The following RBMS1 variants were observed in gnomAD, a reference collection of about 807,000 sequenced individuals.
The protein encoded by RBMS1 is RNA-binding motif, single-stranded-interacting protein 1.
In RBMS1, 17 loss-of-function variants were observed where a neutral mutation model predicts 62.3. The ratio of observed to expected loss-of-function variants is 0.27; its 90% confidence interval spans 0.19 to 0.41. The LOEUF is 0.41. Ranked by LOEUF, RBMS1 falls within the 10% of genes least tolerant of loss-of-function variation. The pLI, the probability that RBMS1 is intolerant of heterozygous loss-of-function variation, is 1.00. For missense variants in RBMS1, 334 were observed against 504.5 expected, an observed-to-expected ratio of 0.66 and a Z score of 3.24; for synonymous variants, 172 against 170.0, an observed-to-expected ratio of 1.01 and a Z score of -0.09.
intron 1 of RBMS1, among the ~76,000 whole-genome samples, chr2:160,370,882 G>A (rs1693688842): frequency 6.8e-6 from 1 of 147,276 alleles, no homozygotes; most frequent in African/African-American, 2.6e-5. Context: ...AAAGTAAAAG[G>A]TGCCTTTAAG....
chr2:160,352,438 G>T (rs574359857), intron 2 of RBMS1, among the ~76,000 whole-genome samples: 1 of 152,120 alleles, frequency 6.6e-6, no homozygotes, highest in Non-Finnish European at 1.5e-5. Context: ...TTTTCCATAT[G>T]AATATTTTGT....
At chr2:160,373,261 C>G (rs1693827507) in intron 1 of RBMS1, among the ~76,000 whole-genome samples, 1 of 152,174 alleles carries the variant, frequency 6.6e-6, no homozygotes, top group South Asian at 2.1e-4. Context: ...CAAAGTTGAT[C>G]CTTGCATGTA....
At chr2:160,324,907 TACACACACACACACACAC>T (rs1183675474) in intron 2 of RBMS1, among the ~76,000 whole-genome samples, 2 of 106,778 alleles carry the variant, frequency 1.9e-5, no homozygotes, top group Admixed American at 9.1e-5. Context: ...TATATATATA[TACACACACACACACACAC>T]ACACACACAC....
chr2:160,466,088 T>A (rs1454176517), intron 1 of RBMS1, among the ~76,000 whole-genome samples: 1 of 152,214 alleles, frequency 6.6e-6, no homozygotes, highest in African/African-American at 2.4e-5. Flanking sequence ...TGCAATTTAT[T>A]ACCATCTCAA....
chr2:160,318,183 G>C lies in RBMS1; in HGVS notation c.296C>G (p.Thr99Arg), dbSNP rs770306504. ...AGAAAACATACCTTTGCATTTGTTCGTTGTCTTATCCAAAATTGCCTTTGT... is the reference window on the plus strand; with the variant it reads ...AGAAAACATACCTTTGCATTTGTTCCTTGTCTTATCCAAAATTGCCTTTGT... ...VSTKAILDKTTNKCKGYGFVD... is the reference protein window; with the variant it reads ...VSTKAILDKTRNKCKGYGFVD... Residue 99 changes from threonine (T) to arginine (R), a missense_variant, in exon 3 of 14, where the codon ACG (threonine) becomes AGG (arginine). By Grantham distance (71) the Thr-to-Arg change is moderately conservative. Around this residue, in one of 3 missense-constraint regions of RBMS1, gnomAD observed 150 missense variants for 228.0 expected, o/e 0.66. Transcript: ENST00000348849. 1 of 1,533,160 alleles carries C rather than the reference G, an allele frequency of 6.5e-7. No individual in the cohort carries two copies. The highest frequency in any genetic ancestry group is 8.7e-7 in the Non-Finnish European group (1 of 1,148,518). 95.0% of individuals were successfully genotyped at this position (1,533,160 alleles called of 1,614,324 possible). A position where few individuals can be genotyped will look rare whatever the true frequency, so the allele number is the denominator to read the frequency against.
At chr2:160,421,642 T>G (rs959412737) in intron 1 of RBMS1, among the ~76,000 whole-genome samples, 6 of 152,248 alleles carry the variant, frequency 3.9e-5, no homozygotes, top group East Asian at 3.8e-4. Flanking sequence ...GCATGATTTA[T>G]AATCCTTTGG....
rs548902341 is a variant in RBMS1, at chr2:160,287,643, A to G, written c.641-559T>C. Among the ~76,000 whole-genome samples the G allele has an allele frequency of 2.0e-5, 3 of 152,362 alleles. No individual in the cohort carries two copies. In the South Asian group the frequency reaches 6.2e-4, roughly 32 times the overall value. Reference sequence around the variant, plus strand: ...AGGCTATACGCCCCATGGGGGCAGTAACATTGTCTGTTTTGTCTATCACTG... The same window carrying G: ...AGGCTATACGCCCCATGGGGGCAGTGACATTGTCTGTTTTGTCTATCACTG... On this transcript the variant is annotated intron_variant, in intron 6 of 13. Coordinates refer to ENST00000348849, the MANE Select transcript of RBMS1 (RefSeq NM_016836.4).
At chr2:160,311,220 C>CTATATATCTATA (rs1488544677) in intron 4 of RBMS1, among the ~76,000 whole-genome samples, 1,606 of 84,920 alleles carry the variant, frequency 0.019, 85 homozygotes, top group African/African-American at 0.057. Flanking sequence ...ATCTATCTAT[C>CTATATATCTATA]TATCTATCTA....
At chr2:160,460,848 C>G (rs1313545837) in intron 1 of RBMS1, among the ~76,000 whole-genome samples, 1 of 152,226 alleles carries the variant, frequency 6.6e-6, no homozygotes, top group Non-Finnish European at 1.5e-5. Context: ...TGCCCTCAAC[C>G]TCCCTTTTCC....
chr2:160,366,128 T>C (rs1693380178), intron 2 of RBMS1, among the ~76,000 whole-genome samples: 1 of 152,166 alleles, frequency 6.6e-6, no homozygotes, highest in Non-Finnish European at 1.5e-5. Context: ...CCACCTGCTG[T>C]CCCACCCCTC....
Position 160,493,542 on chromosome 2 carries a change from T to G in RBMS1, c.-179A>C, listed in dbSNP as rs577747369. The G allele has an allele frequency of 8.6e-4, 425 of 494,274 alleles. No individual in the cohort carries two copies. The highest frequency in any genetic ancestry group is 1.4e-3 in the East Asian group (40 of 27,626). 30.6% of individuals were successfully genotyped at this position (494,274 alleles called of 1,614,324 possible). A position where few individuals can be genotyped will look rare whatever the true frequency, so the allele number is the denominator to read the frequency against. On this transcript the variant is annotated 5_prime_UTR_variant, in exon 1 of 14. Transcript: ENST00000348849. ...AGACGTCCTCCTCCTCCTCCTCCTC[T>G]TCCTCCTCCTCCTCCTCCTCCTCCT... is the stretch of plus-strand genomic sequence containing the variant.
chr2:160,293,139 C>T (rs1463602113), intron 6 of RBMS1, among the ~76,000 whole-genome samples: 1 of 152,040 alleles, frequency 6.6e-6, no homozygotes, highest in Non-Finnish European at 1.5e-5. Flanking sequence ...CTAGAGCTAC[C>T]AAAATTTTCT....
At chr2:160,379,321 T>C (rs953810363) in intron 1 of RBMS1, among the ~76,000 whole-genome samples, 2 of 152,256 alleles carry the variant, frequency 1.3e-5, no homozygotes, top group Non-Finnish European at 1.5e-5. Flanking sequence ...TTCCCATTTT[T>C]ACAGGGACAA....
chr2:160,371,094 T>G (rs1693700923), intron 1 of RBMS1, among the ~76,000 whole-genome samples: 1 of 152,154 alleles, frequency 6.6e-6, no homozygotes, highest in South Asian at 2.1e-4. Flanking sequence ...CAGTGAAAAA[T>G]TAAACCCTCA....
At chr2:160,390,145 C>CT (rs1694783935) in intron 1 of RBMS1, among the ~76,000 whole-genome samples, 1 of 152,186 alleles carries the variant, frequency 6.6e-6, no homozygotes, top group African/African-American at 2.4e-5. Context: ...GGCATTATTG[C>CT]TTTTCCACTC....
In RBMS1 at chr2:160,311,240, A is replaced by ATATCTATATC. The variant is rs1553505461; in HGVS notation, c.402+1915_402+1916insGATATAGATA. Among the ~76,000 whole-genome samples the ATATCTATATC allele has an allele frequency of 4.3e-3, 396 of 91,502 alleles. 8 individuals carry two copies. Among genetic ancestry groups the ATATCTATATC allele is most frequent in the African/African-American group, 0.013 (378 of 28,956 alleles). The allele number at this position is 91,502 out of a possible 152,430, so 60.0% of individuals were successfully genotyped here. Reference sequence around the variant, plus strand: ...TCTATCTATCTATCTATCTATATATATATATATATATATATATAGTCTGTT... The same window carrying ATATCTATATC: ...TCTATCTATCTATCTATCTATATATATATCTATATCTATATATATATATATATAGTCTGTT... On this transcript the variant is annotated intron_variant, in intron 4 of 13. Coordinates refer to ENST00000348849, the MANE Select transcript of RBMS1 (RefSeq NM_016836.4).
chr2:160,319,579 T>C (rs555821991), intron 2 of RBMS1, among the ~76,000 whole-genome samples: 1 of 152,334 alleles, frequency 6.6e-6, no homozygotes, highest in African/African-American at 2.4e-5. Context: ...ACTCGATGCA[T>C]CTGAGTCTCA....
chr2:160,337,130 C>CTT, intron 2 of RBMS1, among the ~76,000 whole-genome samples: 1 of 141,940 alleles, frequency 7.0e-6, no homozygotes, highest in African/African-American at 2.6e-5. Flanking sequence ...TTTTCTTTTT[C>CTT]TTTTCTTTTT....
At chr2:160,462,847 C>T (rs908089356) in intron 1 of RBMS1, among the ~76,000 whole-genome samples, 1 of 150,704 alleles carries the variant, frequency 6.6e-6, no homozygotes, top group African/African-American at 2.4e-5. Flanking sequence ...CCACCCGCCT[C>T]GGTCCCCCAA....
Sources: gnomAD v4.1 joint callset for allele counts (sites outside exome capture counted in the v4.1 genomes callset) on GRCh38, gnomAD v4.1.1 for gene constraint, gnomAD v4.1.1 regional missense constraint, MANE v1.5 for transcripts, NCBI Gene and HGNC (gene_info 2026-07-23, HGNC 2026-07-21) for gene names.